The following SPRR3 variants were observed in gnomAD, a reference collection of about 807,000 sequenced individuals.
SPRR3 encodes small proline-rich protein 3.
For missense variants in SPRR3, 183 were observed against 200.3 expected, an observed-to-expected ratio of 0.91 and a Z score of 0.52; for synonymous variants, 58 against 72.3, an observed-to-expected ratio of 0.80 and a Z score of 1.01.
Position 153,003,195 on chromosome 1 carries a change from ACCAAGGTCCCTGAGCCAGGCTG to A in SPRR3, c.176_197del (p.Thr59IlefsTer134), listed in dbSNP as rs1348261814. 4.6e-6 allele frequency: 7 copies of A among 1,527,326 alleles called. No homozygotes were observed. In the Admixed American group the frequency reaches 5.3e-5, roughly 12 times the overall value. 94.6% of individuals were successfully genotyped at this position (1,527,326 alleles called of 1,614,324 possible). ...CACAAAGATTCCAGAGCCAGGCTGT[ACCAAGGTCCCTGAGCCAGGCTG>A]TACCAAGGTCCCTGAGCCAGGCTGT... On this transcript the variant is annotated frameshift_variant, in exon 2 of 2. Coordinates refer to ENST00000295367, the MANE Select transcript of SPRR3 (RefSeq NM_001097589.2). LOFTEE classifies it low-confidence loss of function (END_TRUNC).
rs2101571699 is a variant in SPRR3 at position 153,003,010 on chromosome 1, T to A, written c.-11T>A. ...AGCTGTTTTGTCTCTAGGTCCAGCATCCTTTGAAGCATGAGTTCTTACCAG... is the reference window on the plus strand; with the variant it reads ...AGCTGTTTTGTCTCTAGGTCCAGCAACCTTTGAAGCATGAGTTCTTACCAG... On this transcript the variant is annotated 5_prime_UTR_variant, in exon 2 of 2. Transcript: ENST00000295367. 2 of 1,607,638 alleles carry A rather than the reference T, an allele frequency of 1.2e-6. No homozygotes were observed. The highest frequency in any genetic ancestry group is 1.7e-6 in the Non-Finnish European group (2 of 1,176,140).
At chr1:153,002,958 A>G (rs1367888940) in intron 1 of SPRR3, 44 bp from the exon 2 acceptor site, 3 of 1,536,768 alleles carry the variant, frequency 2.0e-6, no homozygotes, top group East Asian at 2.3e-5. Context: ...ACTGGGCTTC[A>G]TTCCTACTTA....
At position 153,003,130 on chromosome 1, in the gene SPRR3, C is replaced by T. The variant is rs2101571848; in HGVS notation, c.110C>T (p.Thr37Ile). The change falls in exon 2 of 2, where the codon ACC (threonine) becomes ATC (isoleucine). Residue 37 changes from threonine (T) to isoleucine (I), a missense_variant. By Grantham distance (89) the Thr-to-Ile change is moderately conservative. Coordinates refer to ENST00000295367, the MANE Select transcript of SPRR3 (RefSeq NM_001097589.2). ...PPPQEIFVPT[T>I]KEPCHSKVPQ... is the part of the protein sequence containing the mutation. ...CCTCAGGAAATATTTGTTCCCACAA[C>T]CAAGGAGCCATGCCACTCAAAGGTT... The T allele has an allele frequency of 6.2e-7, 1 of 1,614,124 alleles. No homozygotes were observed. The highest frequency in any genetic ancestry group is 1.7e-5 in the Admixed American group (1 of 60,004).
At position 153,003,726 on chromosome 1, in the gene SPRR3, T is replaced by C. The variant is rs28989175; in HGVS notation, c.*196T>C. The C allele has an allele frequency of 4.1e-3, 3,283 of 803,348 alleles. 106 individuals are homozygous for C. In the African/African-American group the frequency reaches 0.051, roughly 12 times the overall value. 49.8% of individuals were successfully genotyped at this position (803,348 alleles called of 1,614,324 possible). On this transcript the variant is annotated 3_prime_UTR_variant, in exon 2 of 2. Transcript: ENST00000295367. Reference sequence around the variant, plus strand: ...TTCACACACACTCTGAAGAATCCTGTAAGCCCCTGAATTAAGCAGAAAGTC... The same window carrying C: ...TTCACACACACTCTGAAGAATCCTGCAAGCCCCTGAATTAAGCAGAAAGTC...
intron 1 of SPRR3, 141 bp from the exon 2 acceptor site, chr1:153,002,861 T>A: frequency 2.2e-6 from 2 of 900,740 alleles, no homozygotes. Context: ...CACCAAAGCA[T>A]CCCATGATCT....
chr1:153,003,363 A>T lies in SPRR3; in HGVS notation c.343A>T (p.Ile115Phe). 3 of 1,613,918 alleles carry T rather than the reference A, an allele frequency of 1.9e-6. No individual in the cohort carries two copies. The highest frequency in any genetic ancestry group is 2.5e-6 in the Non-Finnish European group (3 of 1,179,966). The change falls in exon 2 of 2, where the codon ATC (isoleucine) becomes TTC (phenylalanine). Residue 115 changes from isoleucine (I) to phenylalanine (F), a missense_variant. Physicochemically the swap from Ile to Phe is conservative, Grantham distance 21 (BLOSUM62 0). Coordinates refer to ENST00000295367, the MANE Select transcript of SPRR3 (RefSeq NM_001097589.2). ...GYTKVPEPGS[I>F]KVPDQGFIKF... Reference sequence around the variant, plus strand: ...CACCAAGGTCCCTGAACCAGGCAGCATCAAGGTCCCTGACCAAGGCTTCAT... The same window carrying T: ...CACCAAGGTCCCTGAACCAGGCAGCTTCAAGGTCCCTGACCAAGGCTTCAT...
rs1387030108 is a variant in SPRR3 at position 153,003,559 on chromosome 1, C to A, written c.*29C>A. 6.2e-7 allele frequency: 1 copy of A among 1,607,552 alleles called. No individual in the cohort carries two copies. ...GGTGCACAGACAAGCCCTTGAGAAG[C>A]CAACCACCAGATGCTGGACACCCTC... On this transcript the variant is annotated 3_prime_UTR_variant, in exon 2 of 2. Transcript: ENST00000295367.
Position 153,003,683 on chromosome 1 carries a change from C to T in SPRR3, c.*153C>T, listed in dbSNP as rs1652886810. 3.3e-5 allele frequency: 37 copies of T among 1,107,570 alleles called. No homozygotes were observed. The highest frequency in any genetic ancestry group is 1.2e-4 in the South Asian group (7 of 58,654). 68.6% of individuals were successfully genotyped at this position (1,107,570 alleles called of 1,614,324 possible). On this transcript the variant is annotated 3_prime_UTR_variant, in exon 2 of 2. Coordinates refer to ENST00000295367, the MANE Select transcript of SPRR3 (RefSeq NM_001097589.2). The stretch of plus-strand genomic sequence containing the variant: ...CTCTCTTATTTGTATCCTAAAAATA[C>T]GTACTATAAAGCTTTTGTTCACACA...
chr1:153,002,800 C>A, intron 1 of SPRR3: 1 of 607,068 alleles, frequency 1.6e-6, no homozygotes, highest in South Asian at 2.4e-5. Flanking sequence ...TCCATTTACA[C>A]GATGTGGAAG....
Position 153,003,800 on chromosome 1 carries a change from G to T in SPRR3, c.*270G>T. 3.9e-6 allele frequency: 2 copies of T among 506,888 alleles called. No individual in the cohort carries two copies. Among genetic ancestry groups the T allele is most frequent in the South Asian group, 3.2e-5 (1 of 30,888 alleles). The allele number at this position is 506,888 out of a possible 1,614,324, so 31.4% of individuals were successfully genotyped here. ...CTGCTCAGGGTTCATCTGAAGATTCGAATGAAAAGAAATGCATGTTTCCTG... is the reference window on the plus strand; with the variant it reads ...CTGCTCAGGGTTCATCTGAAGATTCTAATGAAAAGAAATGCATGTTTCCTG... On this transcript the variant is annotated 3_prime_UTR_variant, in exon 2 of 2. Coordinates refer to ENST00000295367, the MANE Select transcript of SPRR3 (RefSeq NM_001097589.2).
Position 153,003,359 on chromosome 1 carries a change from C to A in SPRR3, c.339C>A (p.Gly113=), listed in dbSNP as rs1188194330. The A allele has an allele frequency of 6.2e-7, 1 of 1,613,742 alleles. No individual in the cohort carries two copies. Among genetic ancestry groups the A allele is most frequent in the Admixed American group, 1.7e-5 (1 of 59,964 alleles). The part of the protein sequence containing the change: ...EPGYTKVPEP[G]SIKVPDQGFI... ...GCTACACCAAGGTCCCTGAACCAGG[C>A]AGCATCAAGGTCCCTGACCAAGGCT... Residue 113 remains glycine (G), a synonymous_variant, in exon 2 of 2, where the codon GGC becomes GGA. Coordinates refer to ENST00000295367, the MANE Select transcript of SPRR3 (RefSeq NM_001097589.2).
At position 153,003,657 on chromosome 1, in the gene SPRR3, T is replaced by C. The variant is rs1557890726; in HGVS notation, c.*127T>C. The C allele has an allele frequency of 3.1e-6, 4 of 1,293,346 alleles. No individual in the cohort carries two copies. The East Asian group carries it at 1.0e-4, about 32-fold the overall frequency. The allele number at this position is 1,293,346 out of a possible 1,614,324, so 80.1% of individuals were successfully genotyped here. A position where few individuals can be genotyped will look rare whatever the true frequency, so the allele number is the denominator to read the frequency against. On this transcript the variant is annotated 3_prime_UTR_variant, in exon 2 of 2. Coordinates refer to ENST00000295367, the MANE Select transcript of SPRR3 (RefSeq NM_001097589.2). Reference sequence around the variant, plus strand: ...CACATTGTCACCCCAAGCCATAGTCTCTCTCTTATTTGTATCCTAAAAATA... The same window carrying C: ...CACATTGTCACCCCAAGCCATAGTCCCTCTCTTATTTGTATCCTAAAAATA...
At position 153,003,592 on chromosome 1, in the gene SPRR3, C is replaced by A. The variant is rs538551423; in HGVS notation, c.*62C>A. ...CAGATGCTGGACACCCTCTTCCCATCTGTTTCTGTGTCTTAATTGTCTGTA... is the reference window on the plus strand; with the variant it reads ...CAGATGCTGGACACCCTCTTCCCATATGTTTCTGTGTCTTAATTGTCTGTA... On this transcript the variant is annotated 3_prime_UTR_variant, in exon 2 of 2. Transcript: ENST00000295367. 10 of 1,583,780 alleles carry A rather than the reference C, an allele frequency of 6.3e-6. No homozygotes were observed. In the East Asian group the frequency reaches 1.6e-4, roughly 25 times the overall value.
chr1:153,003,659 T>C lies in SPRR3; in HGVS notation c.*129T>C, dbSNP rs1652886232. 7.0e-6 allele frequency: 9 copies of C among 1,286,748 alleles called. No homozygotes were observed. The highest frequency in any genetic ancestry group is 9.5e-6 in the Non-Finnish European group (9 of 946,530). The allele number at this position is 1,286,748 out of a possible 1,614,324, so 79.7% of individuals were successfully genotyped here. A position where few individuals can be genotyped will look rare whatever the true frequency, so the allele number is the denominator to read the frequency against. The stretch of plus-strand genomic sequence containing the variant: ...CATTGTCACCCCAAGCCATAGTCTC[T>C]CTCTTATTTGTATCCTAAAAATACG... On this transcript the variant is annotated 3_prime_UTR_variant, in exon 2 of 2. Transcript: ENST00000295367.
At position 153,003,053 on chromosome 1, in the gene SPRR3, C is replaced by T. The variant is rs879677271; in HGVS notation, c.33C>T (p.Thr11=). The change falls in exon 2 of 2, where the codon ACC becomes ACT. Residue 11 remains threonine, a synonymous_variant. Transcript: ENST00000295367. ...CTTACCAGCAGAAGCAGACCTTTACCCCACCACCTCAGCTTCAACAGCAGC... is the reference window on the plus strand; with the variant it reads ...CTTACCAGCAGAAGCAGACCTTTACTCCACCACCTCAGCTTCAACAGCAGC... MSSYQQKQTF[T]PPPQLQQQQV... The T allele has an allele frequency of 3.1e-6, 5 of 1,614,096 alleles. No individual in the cohort carries two copies. Among genetic ancestry groups the T allele is most frequent in the Middle Eastern group, 1.7e-4 (1 of 6,060 alleles).
At position 153,003,592 on chromosome 1, in the gene SPRR3, C is replaced by T. The variant is rs538551423; in HGVS notation, c.*62C>T. ...CAGATGCTGGACACCCTCTTCCCAT[C>T]TGTTTCTGTGTCTTAATTGTCTGTA... On this transcript the variant is annotated 3_prime_UTR_variant, in exon 2 of 2. Transcript: ENST00000295367. 43 of 1,583,660 alleles carry T rather than the reference C, an allele frequency of 2.7e-5. No homozygotes were observed. The highest frequency in any genetic ancestry group is 3.7e-5 in the Non-Finnish European group (43 of 1,163,428).
At chr1:153,001,951 A>C (rs777377971) in intron 1 of SPRR3, 158 bp downstream of exon 1, 18 of 152,326 alleles carry the variant, frequency 1.2e-4, no homozygotes, top group East Asian at 1.2e-3. Flanking sequence ...CTCAGATTAC[A>C]GGTGTGGAAC....
chr1:153,002,638 T>G, intron 1 of SPRR3: 10 of 200,748 alleles, frequency 5.0e-5, no homozygotes, highest in South Asian at 1.1e-4. Context: ...GAAAAGCCAC[T>G]AAGACTTTCT....
Position 153,003,390 on chromosome 1 carries a change from A to G in SPRR3, c.370A>G (p.Lys124Glu). ...SIKVPDQGFI[K>E]FPEPGAIKVP... is the part of the protein sequence containing the mutation. ...CAAGGTCCCTGACCAAGGCTTCATC[A>G]AGTTTCCTGAGCCAGGTGCCATCAA... is the stretch of plus-strand genomic sequence containing the variant. Residue 124 changes from lysine (K) to glutamate (E), a missense_variant, in exon 2 of 2, where the codon AAG becomes GAG. Lys to Glu is a moderately conservative substitution (Grantham distance 56, BLOSUM62 1). Transcript: ENST00000295367. The G allele has an allele frequency of 6.2e-7, 1 of 1,614,022 alleles. No homozygotes were observed. The highest frequency in any genetic ancestry group is 8.5e-7 in the Non-Finnish European group (1 of 1,179,990).
Sources: gnomAD v4.1 joint callset for allele counts on GRCh38, gnomAD v4.1.1 for gene constraint, MANE v1.5 for transcripts, NCBI Gene and HGNC (gene_info 2026-07-23, HGNC 2026-07-21) for gene names.